LIMK2: variants seen among roughly 807,000 people sequenced by gnomAD.
The protein encoded by LIMK2 is LIM domain kinase 2.
Under a neutral mutation model 75.7 loss-of-function variants are expected in LIMK2, and 35 were observed. The observed-to-expected ratio is 0.46, with a 90% confidence interval of 0.35 to 0.61. LIMK2 has a LOEUF of 0.61. LIMK2 is among the 20% of genes least tolerant of loss of function. The pLI, the probability that LIMK2 is intolerant of heterozygous loss-of-function variation, is 0.00. For synonymous variants in LIMK2, 301 were observed against 319.2 expected (o/e 0.94, Z 0.61); for missense variants, 623 against 831.0 (o/e 0.75, Z 3.08).
At chr22:31,251,774 C>T (rs1457128253) in intron 2 of LIMK2, among the ~76,000 whole-genome samples, 1 of 152,092 alleles carries the variant, frequency 6.6e-6, no homozygotes, top group African/African-American at 2.4e-5. Context: ...TGACTGAGCT[C>T]TTATGGAACA....
intron 2 of LIMK2, among the ~76,000 whole-genome samples, chr22:31,246,179 G>GCGCGCACACACACACACACA (rs1555886265): frequency 8.6e-5 from 6 of 69,772 alleles, no homozygotes; most frequent in Non-Finnish European, 9.3e-5. Context: ...ACACACGCAC[G>GCGCGCACACACACACACACA]CACGCACACA....
chr22:31,277,190 C>G (rs1389165802), intron 15 of LIMK2: 2 of 1,610,578 alleles, frequency 1.2e-6, no homozygotes, highest in African/African-American at 2.7e-5. Context: ...ATCGCTACCC[C>G]CCGACCTCGT....
intron 1 of LIMK2, among the ~76,000 whole-genome samples, chr22:31,214,006 A>G (rs370188943): frequency 6.6e-6 from 1 of 151,866 alleles, no homozygotes; most frequent in East Asian, 1.9e-4. Context: ...TTTAGTAGAG[A>G]TGGGGTTTCA....
At chr22:31,268,603 T>C (rs770388776) in intron 11 of LIMK2, among the ~76,000 whole-genome samples, 11 of 152,052 alleles carry the variant, frequency 7.2e-5, no homozygotes, top group Non-Finnish European at 1.0e-4. Flanking sequence ...AAAGTTCTTA[T>C]TGGCAGAGAG....
chr22:31,236,900 G>A (rs557765635), intron 2 of LIMK2, among the ~76,000 whole-genome samples: 1 of 147,838 alleles, frequency 6.8e-6, no homozygotes, highest in African/African-American at 2.5e-5. Context: ...CTGGGAGACA[G>A]AGCGAGACTC....
chr22:31,263,380 T>G (rs2048860224), intron 7 of LIMK2, among the ~76,000 whole-genome samples: 1 of 152,168 alleles, frequency 6.6e-6, no homozygotes, highest in Non-Finnish European at 1.5e-5. Context: ...CACAAATCAC[T>G]TCATCTCTCT....
chr22:31,233,759 C>T (rs2048547907), intron 2 of LIMK2, among the ~76,000 whole-genome samples: 1 of 152,216 alleles, frequency 6.6e-6, no homozygotes, highest in South Asian at 2.1e-4. Flanking sequence ...GAGGCACCAC[C>T]ATCCACCCAG....
intron 2 of LIMK2, among the ~76,000 whole-genome samples, chr22:31,243,463 A>G (rs530653573): frequency 6.6e-6 from 1 of 152,238 alleles, no homozygotes; most frequent in African/African-American, 2.4e-5. Context: ...TCTTCCGACA[A>G]AAGGTTGGGG....
intron 1 of LIMK2, among the ~76,000 whole-genome samples, chr22:31,222,368 G>A (rs1457159773): frequency 1.6e-5 from 2 of 126,408 alleles, no homozygotes; most frequent in African/African-American, 5.9e-5. Context: ...ACCGTGCCCA[G>A]CCTCTTTTTT....
At chr22:31,267,302 T>TA (rs2048905602) in intron 9 of LIMK2, among the ~76,000 whole-genome samples, 1 of 152,198 alleles carries the variant, frequency 6.6e-6, no homozygotes, top group African/African-American at 2.4e-5. Flanking sequence ...TAACAAAAGA[T>TA]ACAGGGTTCA....
rs1223708979 is a variant in LIMK2, at chr22:31,212,489, G to A, written c.16+65G>A. On this transcript the variant is annotated intron_variant, in intron 1 of 15. Transcript: ENST00000331728. Reference sequence around the variant, plus strand: ...CGAAGTCCGGTTCCATGGCGCCTGAGGGAAACCGGCTGTCTCTCGGGGGTT... The same window carrying A: ...CGAAGTCCGGTTCCATGGCGCCTGAAGGAAACCGGCTGTCTCTCGGGGGTT... 3 of 1,308,618 alleles carry A rather than the reference G, an allele frequency of 2.3e-6. No individual in the cohort carries two copies. In the East Asian group the frequency reaches 8.4e-5, roughly 37 times the overall value. The allele number at this position is 1,308,618 out of a possible 1,614,324, so 81.1% of individuals were successfully genotyped here.
At chr22:31,277,215 C>G (rs375395300) in intron 15 of LIMK2, 1 of 1,600,802 alleles carries the variant, frequency 6.2e-7, no homozygotes. Flanking sequence ...ACAGCAATAC[C>G]GGGGGACCCT....
At chr22:31,260,226 C>T (rs1212519619) in intron 5 of LIMK2, 149 bp downstream of exon 5, 5 of 636,232 alleles carry the variant, frequency 7.9e-6, no homozygotes, top group Non-Finnish European at 1.2e-5. Context: ...TGTAACCGTA[C>T]CTGGGCCTTG....
intron 2 of LIMK2, among the ~76,000 whole-genome samples, chr22:31,238,266 A>G (rs2048596648): frequency 1.3e-5 from 2 of 152,314 alleles, no homozygotes; most frequent in African/African-American, 2.4e-5. Flanking sequence ...CTTTGTGGCA[A>G]CCTGGGCTAG....
intron 11 of LIMK2, among the ~76,000 whole-genome samples, chr22:31,269,926 G>A (rs2048938593): frequency 1.3e-5 from 2 of 150,600 alleles, no homozygotes; most frequent in Non-Finnish European, 1.5e-5. Flanking sequence ...GGGAGGCCGG[G>A]TGGAGTCAGA....
chr22:31,235,427 T>C (rs942382471), intron 2 of LIMK2, among the ~76,000 whole-genome samples: 1 of 152,150 alleles, frequency 6.6e-6, no homozygotes, highest in African/African-American at 2.4e-5. Context: ...AGCTATCCCA[T>C]AGTGAGTAGA....
chr22:31,231,856 G>T (rs2048531630), intron 2 of LIMK2, among the ~76,000 whole-genome samples: 1 of 152,048 alleles, frequency 6.6e-6, no homozygotes, highest in African/African-American at 2.4e-5. Flanking sequence ...TTGCTCTGTT[G>T]TCCAGGCTAC....
intron 2 of LIMK2, among the ~76,000 whole-genome samples, chr22:31,246,278 C>A (rs1003562314): frequency 6.7e-6 from 1 of 149,942 alleles, no homozygotes; most frequent in Non-Finnish European, 1.5e-5. Flanking sequence ...GTAGGAGGAT[C>A]ACTTGAGCTT....
intron 2 of LIMK2, among the ~76,000 whole-genome samples, chr22:31,257,817 G>A (rs1442650078): frequency 6.6e-6 from 1 of 152,074 alleles, no homozygotes; most frequent in Admixed American, 6.6e-5. Context: ...CATTGGTAAC[G>A]CTGTTGGTGA....
Sources: allele counts gnomAD v4.1 joint callset (sites outside exome capture counted in the v4.1 genomes callset), GRCh38; gene constraint gnomAD v4.1.1; transcripts MANE v1.5; gene names NCBI Gene and HGNC (gene_info 2026-07-23, HGNC 2026-07-21).